AVEN: variants seen among roughly 807,000 people sequenced by gnomAD.
AVEN encodes the protein apoptosis and caspase activation inhibitor.
AVEN carries 41 observed loss-of-function variants against 38.1 expected under a neutral mutation model. The ratio of observed to expected loss-of-function variants is 1.08; its 90% CI spans 0.84 to 1.40. The LOEUF (loss-of-function observed/expected upper bound fraction) is 1.40. Ranked by LOEUF, AVEN falls within the 40% of genes most tolerant of loss-of-function variation. The probability of loss-of-function intolerance (pLI) is 0.00; values close to 1 mark genes in which losing one functional copy is unlikely to be tolerated. For synonymous variants in AVEN, 206 were observed against 171.8 expected, an observed-to-expected ratio of 1.20 and a Z score of -1.56; for missense variants, 605 against 438.8, an observed-to-expected ratio of 1.38 and a Z score of -3.38.
At chr15:34,026,987 T>C (rs1898505678) in intron 1 of AVEN, among the ~76,000 whole-genome samples, 1 of 145,274 alleles carries the variant, frequency 6.9e-6, no homozygotes, top group African/African-American at 2.5e-5. Flanking sequence ...AGAGTGGCAA[T>C]GGCTGCTTCA....
chr15:33,873,094 CT>C (rs34223352), intron 3 of AVEN, among the ~76,000 whole-genome samples: 1,526 of 85,138 alleles, frequency 0.018, 4 homozygotes, highest in African/African-American at 0.051. Context: ...TTTTCCTTTT[CT>C]TTTTTTTTTT....
intron 2 of AVEN, among the ~76,000 whole-genome samples, chr15:33,882,521 G>A (rs892569704): frequency 6.7e-6 from 1 of 149,532 alleles, no homozygotes; most frequent in Non-Finnish European, 1.5e-5. Flanking sequence ...ATTAATAAGA[G>A]ATTTTTAAAT....
At chr15:33,992,459 T>G (rs985106572) in intron 2 of AVEN, among the ~76,000 whole-genome samples, 4 of 152,252 alleles carry the variant, frequency 2.6e-5, no homozygotes, top group African/African-American at 9.6e-5. Flanking sequence ...AAAGTTTTTT[T>G]GTTATCGGAG....
At chr15:34,071,375 G>T (rs1900621381) in intron 1 of AVEN, among the ~76,000 whole-genome samples, 2 of 152,160 alleles carry the variant, frequency 1.3e-5, no homozygotes, top group Non-Finnish European at 2.9e-5. Context: ...CCAGGCTCAA[G>T]TGATACTTCT....
At chr15:33,864,194 G>C (rs1567369879), downstream of AVEN, 2 of 1,607,002 alleles carry the variant, frequency 1.2e-6, no homozygotes, top group Non-Finnish European at 1.7e-6. Context: ...GGTCAGGTGA[G>C]AAATTAAGAA....
At chr15:33,914,160 A>ACCCC (rs35840258) in intron 2 of AVEN, among the ~76,000 whole-genome samples, 2 of 150,972 alleles carry the variant, frequency 1.3e-5, no homozygotes, top group African/African-American at 4.9e-5. Context: ...ATTTAATATA[A>ACCCC]CCCCCCCCCA....
At chr15:33,908,117 T>C (rs1164326282) in intron 2 of AVEN, among the ~76,000 whole-genome samples, 5 of 152,210 alleles carry the variant, frequency 3.3e-5, no homozygotes, top group African/African-American at 1.2e-4. Context: ...AATTTACGAT[T>C]TTAGTCACTT....
chr15:33,995,668 G>C (rs1200702738), intron 2 of AVEN, among the ~76,000 whole-genome samples: 1 of 152,232 alleles, frequency 6.6e-6, no homozygotes. Flanking sequence ...AAATGAATCA[G>C]ATGCTTCAGA....
In AVEN at chr15:33,873,103, T is replaced by TC. The variant is rs1891062249; in HGVS notation, c.517-2074_517-2073insG. ...TTCTACTTTTCCTTTTCTTTTTTTT[T>TC]TTTTTTTTTTTTTTTTGAGATGGAG... On this transcript the variant is annotated intron_variant, in intron 3 of 5. Coordinates refer to ENST00000306730, the MANE Select transcript of AVEN (RefSeq NM_020371.3). 3.6e-5 allele frequency among the ~76,000 whole-genome samples: 5 copies of TC among 137,840 alleles called. No homozygotes were observed. In the South Asian group the frequency reaches 1.3e-3, roughly 36 times the overall value. The allele number at this position is 137,840 out of a possible 152,430, so 90.4% of individuals were successfully genotyped here. A position where few individuals can be genotyped will look rare whatever the true frequency, so the allele number is the denominator to read the frequency against.
chr15:34,011,528 T>C (rs1366779641), intron 1 of AVEN, among the ~76,000 whole-genome samples: 1 of 152,146 alleles, frequency 6.6e-6, no homozygotes, highest in Non-Finnish European at 1.5e-5. Context: ...AATAAAATGA[T>C]CCACATGATA....
chr15:33,915,298 C>G (rs757163064), intron 2 of AVEN, among the ~76,000 whole-genome samples: 1 of 152,064 alleles, frequency 6.6e-6, no homozygotes, highest in Non-Finnish European at 1.5e-5. Flanking sequence ...AGGAAGCAAG[C>G]GCATTGCTCC....
Position 33,867,349 on chromosome 15 carries a change from G to C in AVEN, c.973+146C>G, listed in dbSNP as rs533975083. On this transcript the variant is annotated intron_variant, in intron 5 of 5. Coordinates refer to ENST00000306730, the MANE Select transcript of AVEN (RefSeq NM_020371.3). ...AAAGGTCAGCTCAGGGGGAAGCAGA[G>C]ACGTGAGCACAGAAATAGATGTCAG... is the stretch of plus-strand genomic sequence containing the variant. 44 of 1,175,812 alleles carry C rather than the reference G, an allele frequency of 3.7e-5. No individual in the cohort carries two copies. In the South Asian group the frequency reaches 4.5e-4, roughly 12 times the overall value. 72.8% of individuals were successfully genotyped at this position (1,175,812 alleles called of 1,614,324 possible).
At chr15:33,878,945 T>C (rs7173957) in intron 2 of AVEN, among the ~76,000 whole-genome samples, 2,422 of 152,278 alleles carry the variant, frequency 0.016, 70 homozygotes, top group African/African-American at 0.054. Context: ...ACTTCTATAT[T>C]AGAAATGATC....
At chr15:33,866,065 A>AAG (rs1349831627), downstream of AVEN, 2 of 154,826 alleles carry the variant, frequency 1.3e-5, no homozygotes, top group South Asian at 4.0e-4. Flanking sequence ...CTCAAATACA[A>AAG]TGAAGTGCCC....
chr15:34,033,789 T>C (rs80343682), intron 1 of AVEN, among the ~76,000 whole-genome samples: 3,192 of 152,128 alleles, frequency 0.021, 120 homozygotes, highest in African/African-American at 0.068. Flanking sequence ...TTGGGTTTTG[T>C]TTTTTGTTTT....
chr15:34,068,557 T>C lies in AVEN; in HGVS notation n.785-1746A>G, dbSNP rs1280992741. 3.9e-5 allele frequency among the ~76,000 whole-genome samples: 6 copies of C among 152,170 alleles called. No individual in the cohort carries two copies. The East Asian group carries it at 1.2e-3, about 29-fold the overall frequency. ...AGGAGATTATTTTACATAACCTCAA[T>C]ACAAATATAAAAATCAGGAAATTTG... On this transcript the variant is annotated intron_variant and non_coding_transcript_variant, in intron 2 of 11. Coordinates refer to the AVEN transcript ENST00000675287.
chr15:33,951,781 A>G (rs915225617), intron 2 of AVEN, among the ~76,000 whole-genome samples: 4 of 152,172 alleles, frequency 2.6e-5, no homozygotes, highest in African/African-American at 7.2e-5. Flanking sequence ...TATATAATGA[A>G]TATAAAATAA....
intron 5 of AVEN, chr15:34,062,570 A>C (rs1900373733): frequency 1.4e-6 from 1 of 691,586 alleles, no homozygotes; most frequent in Non-Finnish European, 2.3e-6. Flanking sequence ...AAAAAAAAAA[A>C]AAAACTATAA....
chr15:33,872,925 G>C (rs1891045540), intron 3 of AVEN, among the ~76,000 whole-genome samples: 1 of 151,772 alleles, frequency 6.6e-6, no homozygotes, highest in African/African-American at 2.4e-5. Context: ...CCGCCGACCT[G>C]TGTCCCTTCA....
Sources: allele counts gnomAD v4.1 joint callset (sites outside exome capture counted in the v4.1 genomes callset), GRCh38; gene constraint gnomAD v4.1.1; transcripts MANE v1.5; gene names NCBI Gene and HGNC (gene_info 2026-07-23, HGNC 2026-07-21).